Variants in RYR3 observed in about 807,000 individuals in gnomAD.
The protein encoded by RYR3 is ryanodine receptor 3.
RYR3 carries 207 observed loss-of-function variants against 584.3 expected under a neutral mutation model. The ratio of observed to expected loss-of-function variants is 0.35; its 90% CI spans 0.32 to 0.40. The LOEUF is 0.40. Among genes scored for constraint, RYR3 ranks in the 10% least tolerant of loss-of-function variants. The pLI, the probability that RYR3 is intolerant of heterozygous loss-of-function variation, is 1.00. For synonymous variants in RYR3, 2,416 were observed against 2,248.5 expected (o/e 1.07, Z -2.11); for missense variants, 5,616 against 6,089.2 (o/e 0.92, Z 2.59).
At chr15:33,609,449 A>T (rs1595816868) in intron 18 of RYR3, among the ~76,000 whole-genome samples, 1 of 152,300 alleles carries the variant, frequency 6.6e-6, no homozygotes, top group South Asian at 2.1e-4. Context: ...TGAAGCCAGG[A>T]GTTCAAGACC....
intron 1 of RYR3, among the ~76,000 whole-genome samples, chr15:33,327,467 G>T (rs1359119420): frequency 6.6e-6 from 1 of 152,052 alleles, no homozygotes; most frequent in Non-Finnish European, 1.5e-5. Context: ...CCTACCATTT[G>T]GTTATATCTA....
At chr15:33,861,813 CTTT>C (rs948341108) in intron 102 of RYR3, among the ~76,000 whole-genome samples, 3 of 151,902 alleles carry the variant, frequency 2.0e-5, no homozygotes, top group Non-Finnish European at 2.9e-5. Context: ...TTCATACTGC[CTTT>C]TTTTGTTTTT....
intron 59 of RYR3, 138 bp from the exon 60 acceptor site, chr15:33,757,337 C>G (rs1203614876): frequency 4.3e-6 from 4 of 924,154 alleles, no homozygotes; most frequent in Non-Finnish European, 6.5e-6. Flanking sequence ...AAACTGGGAC[C>G]AAAGGGGTAG....
chr15:33,723,980 T>C, intron 44 of RYR3, 85 bp from the exon 45 acceptor site: 3 of 692,132 alleles, frequency 4.3e-6, no homozygotes, highest in Non-Finnish European at 7.8e-6. Flanking sequence ...AAGAGCAGAG[T>C]GCTTCCATAT....
Position 33,390,758 on chromosome 15 carries a change from G to A in RYR3, c.51+79662G>A, listed in dbSNP as rs1023147346. ...CTTAGTTCTGGGAATCTAGAAGAGC[G>A]GTACTTGCTAGTCAGAGGGTGCTTC... On this transcript the variant is annotated intron_variant, in intron 1 of 103. Coordinates refer to ENST00000634891, the MANE Select transcript of RYR3 (RefSeq NM_001036.6). The surrounding 1 kb of genome is among the most constrained non-coding windows in gnomAD (Gnocchi z 4.2). 4.6e-5 allele frequency among the ~76,000 whole-genome samples: 7 copies of A among 152,062 alleles called. No individual in the cohort carries two copies. Among genetic ancestry groups the A allele is most frequent in the African/African-American group, 4.8e-5 (2 of 41,404 alleles).
At chr15:33,609,472 G>A (rs541459643) in intron 18 of RYR3, among the ~76,000 whole-genome samples, 78 of 152,268 alleles carry the variant, frequency 5.1e-4, no homozygotes, top group African/African-American at 1.6e-3. Context: ...CCTAGCCAAC[G>A]GGGTGAAATC....
chr15:33,780,446 C>A, intron 65 of RYR3, 105 bp downstream of exon 65: 1 of 1,205,848 alleles, frequency 8.3e-7, no homozygotes. Flanking sequence ...CTTTCTTGGT[C>A]TGAGAGGAGC....
At chr15:33,405,560 C>T (rs1445763785) in intron 1 of RYR3, among the ~76,000 whole-genome samples, 1 of 152,238 alleles carries the variant, frequency 6.6e-6, no homozygotes, top group South Asian at 2.1e-4. Flanking sequence ...TCAATAAATA[C>T]TTTTTTAAAA....
chr15:33,700,714 G>C (rs2066236663), intron 41 of RYR3, among the ~76,000 whole-genome samples: 1 of 152,146 alleles, frequency 6.6e-6, no homozygotes, highest in Non-Finnish European at 1.5e-5. Context: ...TGTTAGAAAA[G>C]CACTTGGAAA....
chr15:33,516,335 G>T (rs1007305832), intron 3 of RYR3, among the ~76,000 whole-genome samples: 6 of 150,258 alleles, frequency 4.0e-5, no homozygotes, highest in African/African-American at 1.5e-4. Context: ...GTATCTGTAA[G>T]ATCTACTTTT....
At position 33,813,042 on chromosome 15, in the gene RYR3, C is replaced by T. The variant is rs773465790; in HGVS notation, c.10389+48C>T. 4 of 1,608,500 alleles carry T rather than the reference C, an allele frequency of 2.5e-6. No homozygotes were observed. In the Admixed American group the frequency reaches 5.0e-5, roughly 20 times the overall value. ...AATGGGGAAGCAGAAACACCCTGGA[C>T]CATACAAAGCTCCCCTCCACACTCA... On this transcript the variant is annotated intron_variant, in intron 73 of 103. Coordinates refer to ENST00000634891, the MANE Select transcript of RYR3 (RefSeq NM_001036.6).
intron 38 of RYR3, among the ~76,000 whole-genome samples, chr15:33,691,933 A>G (rs554678372): frequency 5.4e-4 from 83 of 152,350 alleles, no homozygotes; most frequent in African/African-American, 2.0e-3. Context: ...ACACGATGAA[A>G]AAGGCCAACA....
At chr15:33,476,130 A>G (rs2049351519) in intron 2 of RYR3, among the ~76,000 whole-genome samples, 2 of 152,236 alleles carry the variant, frequency 1.3e-5, no homozygotes, top group Admixed American at 1.3e-4. Context: ...TCTTGAGTTT[A>G]GAATGAAAGT....
intron 19 of RYR3, among the ~76,000 whole-genome samples, chr15:33,620,047 C>T (rs1595860672): frequency 6.6e-6 from 1 of 152,170 alleles, no homozygotes; most frequent in Admixed American, 6.5e-5. Flanking sequence ...CCACATCCCC[C>T]AGCCCCTGGG....
intron 11 of RYR3, among the ~76,000 whole-genome samples, chr15:33,564,703 A>G (rs1044484671): frequency 6.6e-6 from 1 of 152,180 alleles, no homozygotes; most frequent in Non-Finnish European, 1.5e-5. Context: ...AGGACTCTGT[A>G]AATGTGGAGA....
Position 33,838,556 on chromosome 15 carries a change from C to G in RYR3, c.12576C>G (p.Phe4192Leu), listed in dbSNP as rs780129244. The G allele has an allele frequency of 1.9e-6, 3 of 1,613,708 alleles. No individual in the cohort carries two copies. The highest frequency in any genetic ancestry group is 2.2e-5 in the South Asian group (2 of 91,056). The change falls in exon 89 of 104, where the codon TTC becomes TTG. Residue 4192 changes from phenylalanine to leucine, a missense_variant. By Grantham distance (22) the Phe-to-Leu change is conservative (BLOSUM62 0). Coordinates refer to ENST00000634891, the MANE Select transcript of RYR3 (RefSeq NM_001036.6). ...TCTTCTCCTTTTTCTGGATGCTGTT[C>G]GTGGGGCTATTCCAGTTGCTCTTCA... The part of the protein sequence containing the change: ...KVLFSFFWML[F>L]VGLFQLLFTI...
chr15:33,659,124 C>T (rs745388211), intron 32 of RYR3, among the ~76,000 whole-genome samples: 123 of 152,284 alleles, frequency 8.1e-4, no homozygotes, highest in Middle Eastern at 3.4e-3. Context: ...GTGCAGTGGG[C>T]AGAGGGCAGG....
chr15:33,741,059 G>A (rs1293808023), intron 51 of RYR3, among the ~76,000 whole-genome samples: 4 of 152,232 alleles, frequency 2.6e-5, no homozygotes, highest in African/African-American at 4.8e-5. Flanking sequence ...TAACTTGGAT[G>A]CTTTTGAAAA....
chr15:33,559,785 G>A (rs8025471), intron 10 of RYR3, among the ~76,000 whole-genome samples: 71 of 152,142 alleles, frequency 4.7e-4, no homozygotes, highest in African/African-American at 1.6e-3. Flanking sequence ...AGCCAGAAAG[G>A]TTTTAAAAAT....
Sources: gnomAD v4.1 joint callset for allele counts (sites outside exome capture counted in the v4.1 genomes callset) on GRCh38, gnomAD v4.1.1 for gene constraint, Gnocchi (gnomAD v3.1) non-coding constraint, MANE v1.5 for transcripts, NCBI Gene and HGNC (gene_info 2026-07-23, HGNC 2026-07-21) for gene names.